DLGAP2: variants seen among roughly 807,000 people sequenced by gnomAD.
DLGAP2 encodes DLG associated protein 2.
A neutral mutation model predicts 100.3 loss-of-function variants in DLGAP2; 26 were observed. The observed-to-expected ratio is 0.26, with a 90% CI of 0.19 to 0.36. The LOEUF (loss-of-function observed/expected upper bound fraction) is 0.36, where lower values mean the gene tolerates loss of function less well. Among genes scored for constraint, DLGAP2 ranks in the 10% least tolerant of loss-of-function variants. The pLI is 1.00. For missense variants in DLGAP2, 1,858 were observed against 1,453.2 expected (o/e 1.28, Z -4.53); for synonymous variants, 886 against 630.1 (o/e 1.41, Z -6.08).
At chr8:855,327 G>A (rs1031686114) in intron 1 of DLGAP2, among the ~76,000 whole-genome samples, 21 of 121,812 alleles carry the variant, frequency 1.7e-4, no homozygotes, top group Non-Finnish European at 3.2e-4. Flanking sequence ...TGCTCCCAGC[G>A]GGTGTGTACG....
At chr8:1,119,310 T>G (rs1795979195) in intron 2 of DLGAP2, among the ~76,000 whole-genome samples, 1 of 152,240 alleles carries the variant, frequency 6.6e-6, no homozygotes, top group Non-Finnish European at 1.5e-5. Flanking sequence ...ATCTGCAAAA[T>G]ATTTTAGTGT....
At chr8:1,552,711 A>G (rs1371143779) in intron 5 of DLGAP2, among the ~76,000 whole-genome samples, 1 of 152,194 alleles carries the variant, frequency 6.6e-6, no homozygotes, top group Non-Finnish European at 1.5e-5. Context: ...AGAGAAATAA[A>G]TGTTTATAAA....
At chr8:949,909 C>T (rs1322123511) in intron 2 of DLGAP2, among the ~76,000 whole-genome samples, 1 of 152,200 alleles carries the variant, frequency 6.6e-6, no homozygotes, top group Non-Finnish European at 1.5e-5. Flanking sequence ...CGTTGATTTT[C>T]TGCTAACAGG....
At chr8:910,635 T>C (rs907963239) in intron 2 of DLGAP2, 2 of 152,228 alleles carry the variant, frequency 1.3e-5, no homozygotes, top group Admixed American at 6.5e-5. Flanking sequence ...GACCCCTGAT[T>C]GGCCTTTCAC....
At chr8:1,128,545 C>G (rs1373113340) in intron 2 of DLGAP2, among the ~76,000 whole-genome samples, 2 of 152,212 alleles carry the variant, frequency 1.3e-5, no homozygotes, top group Non-Finnish European at 2.9e-5. Context: ...CCAGAAGCAA[C>G]AAGCTGCACC....
At chr8:984,128 C>G (rs1017008279) in intron 2 of DLGAP2, among the ~76,000 whole-genome samples, 2 of 152,062 alleles carry the variant, frequency 1.3e-5, no homozygotes, top group African/African-American at 4.8e-5. Context: ...ATTGGGATTC[C>G]CAAAAGTAAG....
chr8:1,361,489 G>A (rs934318996), intron 3 of DLGAP2, among the ~76,000 whole-genome samples: 1 of 152,294 alleles, frequency 6.6e-6, no homozygotes, highest in African/African-American at 2.4e-5. Flanking sequence ...GGTAACACAC[G>A]GCTCTGTAGG....
At chr8:776,731 C>T (rs1348407502) in intron 1 of DLGAP2, among the ~76,000 whole-genome samples, 4 of 152,166 alleles carry the variant, frequency 2.6e-5, no homozygotes, top group Admixed American at 2.6e-4. Flanking sequence ...CTTATAATTT[C>T]TGTTCTTTTA....
At chr8:1,334,985 A>G (rs908860956) in intron 3 of DLGAP2, among the ~76,000 whole-genome samples, 1 of 152,206 alleles carries the variant, frequency 6.6e-6, no homozygotes, top group Non-Finnish European at 1.5e-5. Context: ...CACTTCCAGC[A>G]GGCCTTAAAA....
intron 2 of DLGAP2, among the ~76,000 whole-genome samples, chr8:1,136,735 G>A (rs1367950634): frequency 1.3e-5 from 2 of 152,236 alleles, no homozygotes; most frequent in African/African-American, 4.8e-5. Context: ...CAGCTCTTGA[G>A]GCTGGCAAAC....
At chr8:888,265 T>C (rs1797961115) in intron 1 of DLGAP2, among the ~76,000 whole-genome samples, 1 of 152,238 alleles carries the variant, frequency 6.6e-6, no homozygotes, top group African/African-American at 2.4e-5. Context: ...ATAGTTATTC[T>C]AGTTAGCAAT....
intron 2 of DLGAP2, among the ~76,000 whole-genome samples, chr8:1,164,352 C>T (rs113877269): frequency 0.067 from 3,499 of 52,236 alleles, 1 homozygote; most frequent in Middle Eastern, 0.15. Flanking sequence ...CCGCAGGGCC[C>T]GTCGTTTTGG....
chr8:988,432 C>A (rs111977052), intron 2 of DLGAP2, among the ~76,000 whole-genome samples: 36 of 152,272 alleles, frequency 2.4e-4, no homozygotes, highest in African/African-American at 8.2e-4. Flanking sequence ...TGCCCAAAGT[C>A]ATTTCCTTTG....
At chr8:969,569 T>C (rs1799964496) in intron 2 of DLGAP2, among the ~76,000 whole-genome samples, 1 of 151,976 alleles carries the variant, frequency 6.6e-6, no homozygotes, top group Admixed American at 6.6e-5. Context: ...TAAACTTAAA[T>C]AATTATATTA....
At chr8:1,143,281 A>G (rs775014173) in intron 2 of DLGAP2, among the ~76,000 whole-genome samples, 2 of 152,224 alleles carry the variant, frequency 1.3e-5, no homozygotes, top group Non-Finnish European at 2.9e-5. Context: ...GACGCACTGA[A>G]ACATAGACAT....
chr8:844,582 C>A (rs1797040394), intron 1 of DLGAP2, among the ~76,000 whole-genome samples: 1 of 152,162 alleles, frequency 6.6e-6, no homozygotes, highest in Non-Finnish European at 1.5e-5. Context: ...CTCTCTTGAC[C>A]CCCTTCCCAG....
At chr8:1,590,069 G>T (rs59132397) in intron 6 of DLGAP2, among the ~76,000 whole-genome samples, 1 of 152,142 alleles carries the variant, frequency 6.6e-6, no homozygotes. Context: ...CTCAGTGTCC[G>T]TGGCTGTGGG....
intron 14 of DLGAP2, among the ~76,000 whole-genome samples, chr8:1,697,903 G>A (rs907469351): frequency 3.3e-5 from 5 of 152,220 alleles, no homozygotes; most frequent in African/African-American, 1.2e-4. Flanking sequence ...GTCATCAGAA[G>A]AACTAGTAGA....
intron 3 of DLGAP2, among the ~76,000 whole-genome samples, chr8:1,429,704 A>G (rs185314465): frequency 9.9e-5 from 15 of 151,912 alleles, no homozygotes; most frequent in Admixed American, 5.2e-4. Flanking sequence ...GGCACATGGC[A>G]CAACTCTCCA....
Sources: allele counts gnomAD v4.1 joint callset (sites outside exome capture counted in the v4.1 genomes callset), GRCh38; gene constraint gnomAD v4.1.1; transcripts MANE v1.5; gene names NCBI Gene and HGNC (gene_info 2026-07-23, HGNC 2026-07-21).